Variants in AGBL4 observed in about 807,000 individuals in gnomAD.
AGBL4 encodes AGBL carboxypeptidase 4.
In AGBL4, 58 loss-of-function variants were observed where a neutral mutation model predicts 66.4. The ratio of observed to expected loss-of-function variants is 0.87; its 90% confidence interval spans 0.71 to 1.09. The LOEUF (loss-of-function observed/expected upper bound fraction) is 1.09, where lower values mean the gene tolerates loss of function less well. Ranked by LOEUF, AGBL4 falls within the 50% of genes least tolerant of loss-of-function variation. The pLI is 0.00. For missense variants in AGBL4, 579 were observed against 631.0 expected (o/e 0.92, Z 0.88); for synonymous variants, 234 against 222.9 (o/e 1.05, Z -0.44).
At chr1:48,876,727 T>TTGA (rs1649269915) in intron 5 of AGBL4, among the ~76,000 whole-genome samples, 1 of 152,196 alleles carries the variant, frequency 6.6e-6, no homozygotes, top group South Asian at 2.1e-4. Context: ...TTTTCATATA[T>TTGA]TGATAGTTTT....
At chr1:49,207,841 G>T (rs1248471372) in intron 4 of AGBL4, among the ~76,000 whole-genome samples, 1 of 151,742 alleles carries the variant, frequency 6.6e-6, no homozygotes, top group South Asian at 2.1e-4. Context: ...TCCCACCTCA[G>T]CCTCCCAAAG....
At chr1:49,538,412 A>T (rs1427039933) in intron 3 of AGBL4, among the ~76,000 whole-genome samples, 1 of 152,258 alleles carries the variant, frequency 6.6e-6, no homozygotes, top group East Asian at 1.9e-4. Flanking sequence ...AGGTGATGAG[A>T]AATTACTTAA....
chr1:49,053,223 T>C (rs1180208762), intron 4 of AGBL4, among the ~76,000 whole-genome samples: 2 of 152,072 alleles, frequency 1.3e-5, no homozygotes, highest in African/African-American at 2.4e-5. Flanking sequence ...AAGGAAAAAG[T>C]GAAAATGGAT....
chr1:48,836,908 GTCTT>G lies in AGBL4; in HGVS notation c.634+30279_634+30282del, dbSNP rs548306880. ...GGCTGGGCTAAATGTAATAGACAAA[GTCTT>G]TATTCTCATGAGGGTTAAAAGATAA... On this transcript the variant is annotated intron_variant, in intron 6 of 13. Coordinates refer to ENST00000371839, the MANE Select transcript of AGBL4 (RefSeq NM_032785.4). 1.2e-3 allele frequency among the ~76,000 whole-genome samples: 187 copies of G among 150,700 alleles called. 1 individual carries two copies. Among genetic ancestry groups the G allele is most frequent in the African/African-American group, 4.3e-3 (179 of 41,206 alleles).
Position 49,266,352 on chromosome 1 carries a change from T to C in AGBL4, c.283-20488A>G, listed in dbSNP as rs576894989. On this transcript the variant is annotated intron_variant, in intron 3 of 13. Coordinates refer to ENST00000371839, the MANE Select transcript of AGBL4 (RefSeq NM_032785.4). ...GAAGAAAAAGATCTTTCAGGGAGAC[T>C]CTTTCTTCTCCCTTCTCAAAATAAA... The C allele has an allele frequency of 3.3e-5, 5 of 152,080 alleles. No homozygotes were observed. In the South Asian group the frequency reaches 1.0e-3, roughly 32 times the overall value. The allele number at this position is 152,080 out of a possible 1,614,324, so 9.4% of individuals were successfully genotyped here.
chr1:49,361,731 C>A (rs891277300), intron 3 of AGBL4, among the ~76,000 whole-genome samples: 4 of 152,058 alleles, frequency 2.6e-5, no homozygotes, highest in African/African-American at 9.7e-5. Context: ...CCTATTCATT[C>A]GCCATTTTTC....
intron 11 of AGBL4, among the ~76,000 whole-genome samples, chr1:48,570,921 C>G (rs1289920475): frequency 1.3e-5 from 2 of 152,154 alleles, no homozygotes; most frequent in African/African-American, 4.8e-5. Context: ...GCTTCGTGTG[C>G]CTCTGTAGTG....
intron 1 of AGBL4, among the ~76,000 whole-genome samples, chr1:49,862,257 A>C (rs1482415012): frequency 6.6e-6 from 1 of 151,986 alleles, no homozygotes; most frequent in Non-Finnish European, 1.5e-5. Flanking sequence ...TGGCATACTG[A>C]AGAATGCATC....
the AGBL4 span, among the ~76,000 whole-genome samples, chr1:48,526,261 G>A: frequency 3.9e-5 from 6 of 152,158 alleles, 1 homozygote; most frequent in Middle Eastern, 6.8e-3. Context: ...AAGGAGGAGG[G>A]GAGAACGAAA....
At chr1:49,880,846 GGGA>G (rs1647222588) in intron 1 of AGBL4, among the ~76,000 whole-genome samples, 1 of 152,036 alleles carries the variant, frequency 6.6e-6, no homozygotes, top group Non-Finnish European at 1.5e-5. Flanking sequence ...AGCCAGGTGT[GGGA>G]TATAGTCTCG....
intron 6 of AGBL4, among the ~76,000 whole-genome samples, chr1:48,730,388 G>A (rs6661901): frequency 0.81 from 123,415 of 152,106 alleles, 50,356 homozygotes; most frequent in Middle Eastern, 0.93. Flanking sequence ...TCTGGGTCTC[G>A]GTTTCACTAT....
At chr1:49,040,530 AG>A (rs1261497401) in intron 5 of AGBL4, among the ~76,000 whole-genome samples, 3 of 152,150 alleles carry the variant, frequency 2.0e-5, no homozygotes, top group Non-Finnish European at 2.9e-5. Flanking sequence ...ATTCATAATA[AG>A]TCCAAACCGA....
intron 11 of AGBL4, among the ~76,000 whole-genome samples, chr1:48,548,183 C>T (rs192426985): frequency 2.0e-5 from 3 of 152,018 alleles, no homozygotes; most frequent in Non-Finnish European, 4.4e-5. Flanking sequence ...AATGCTGGAA[C>T]GTGATAAGTG....
intron 3 of AGBL4, among the ~76,000 whole-genome samples, chr1:49,293,328 G>A (rs1301286440): frequency 6.6e-6 from 1 of 152,222 alleles, no homozygotes; most frequent in Non-Finnish European, 1.5e-5. Context: ...CCAGTAGCAT[G>A]AGCCGAGTGT....
chr1:50,001,507 G>GTATA (rs59228663), intron 1 of AGBL4, among the ~76,000 whole-genome samples: 13,582 of 147,574 alleles, frequency 0.092, 838 homozygotes, highest in East Asian at 0.32. Flanking sequence ...ATGTGTGTGT[G>GTATA]TATATATATA....
chr1:49,825,780 T>C (rs150181960), intron 2 of AGBL4, among the ~76,000 whole-genome samples: 2 of 152,208 alleles, frequency 1.3e-5, no homozygotes, highest in African/African-American at 2.4e-5. Flanking sequence ...TCTAACCTGC[T>C]GGCCCACTCT....
intron 5 of AGBL4, among the ~76,000 whole-genome samples, chr1:48,975,055 G>A (rs3122289): frequency 6.6e-6 from 1 of 151,810 alleles, no homozygotes; most frequent in East Asian, 1.9e-4. Flanking sequence ...CATAAATGCT[G>A]TAAAAGACAC....
At chr1:49,650,300 A>G (rs1266078343) in intron 3 of AGBL4, among the ~76,000 whole-genome samples, 1 of 152,198 alleles carries the variant, frequency 6.6e-6, no homozygotes, top group African/African-American at 2.4e-5. Context: ...AGAATATGGC[A>G]AAGGCTGACC....
At chr1:49,971,240 G>A (rs931933150) in intron 1 of AGBL4, among the ~76,000 whole-genome samples, 1 of 152,134 alleles carries the variant, frequency 6.6e-6, no homozygotes, top group Admixed American at 6.5e-5. Flanking sequence ...ATCTTGCGCA[G>A]TCCTGTGCTG....
Sources: allele counts gnomAD v4.1 joint callset (sites outside exome capture counted in the v4.1 genomes callset), GRCh38; gene constraint gnomAD v4.1.1; transcripts MANE v1.5; gene names NCBI Gene and HGNC (gene_info 2026-07-23, HGNC 2026-07-21).